The following GRIK2 variants were observed in gnomAD, a reference collection of about 807,000 sequenced individuals.
GRIK2 encodes glutamate receptor ionotropic, kainate 2.
GRIK2 carries 32 observed loss-of-function variants against 100.3 expected under a neutral mutation model. The observed-to-expected ratio is 0.32, with a 90% confidence interval of 0.24 to 0.43. GRIK2 has a LOEUF of 0.43. Ranked by LOEUF, GRIK2 falls within the 20% of genes least tolerant of loss-of-function variation. The probability of loss-of-function intolerance (pLI) is 1.00; values close to 1 mark genes in which losing one functional copy is unlikely to be tolerated. For missense variants in GRIK2, 843 were observed against 1,114.9 expected, an observed-to-expected ratio of 0.76 and a Z score of 3.47; for synonymous variants, 417 against 389.4, an observed-to-expected ratio of 1.07 and a Z score of -0.83.
rs538729919 is a variant in GRIK2 at position 101,911,735 on chromosome 6, A to G, written c.1749-12866A>G. Among the ~76,000 whole-genome samples, 5 of 151,644 alleles carry G rather than the reference A, an allele frequency of 3.3e-5. 1 individual carries two copies. The highest frequency in any genetic ancestry group is 1.2e-4 in the African/African-American group (5 of 41,492). On this transcript the variant is annotated intron_variant, in intron 12 of 16. Coordinates refer to ENST00000369134, the MANE Select transcript of GRIK2 (RefSeq NM_021956.5). ...GTTTTCTACGTAAAACAACATTCAA[A>G]GAGTAAAAATAACTTGAGAACATTT... is the stretch of plus-strand genomic sequence containing the variant.
intron 12 of GRIK2, among the ~76,000 whole-genome samples, chr6:101,899,137 T>C (rs1375808846): frequency 1.3e-5 from 2 of 150,710 alleles, no homozygotes; most frequent in East Asian, 1.9e-4. Context: ...ATCGTGGCTG[T>C]CCTAAATAGT....
In GRIK2 at chr6:101,646,881, A is replaced by G. The variant is rs186377755; in HGVS notation, c.541+20244A>G. Among the ~76,000 whole-genome samples the G allele has an allele frequency of 5.3e-5, 8 of 152,066 alleles. No individual in the cohort carries two copies. In the East Asian group the frequency reaches 7.8e-4, roughly 15 times the overall value. On this transcript the variant is annotated intron_variant, in intron 4 of 16. Transcript: ENST00000369134. ...TTGGAGAGGAAATTACCTCATTACT[A>G]TGAGCACAGAGAAGAGAGACAAGAA...
chr6:101,554,696 A>C (rs1403397418), intron 2 of GRIK2, among the ~76,000 whole-genome samples: 2 of 152,076 alleles, frequency 1.3e-5, no homozygotes, highest in Non-Finnish European at 2.9e-5. Flanking sequence ...GTAGGCTTTT[A>C]GGGGTAAGGT....
At chr6:101,970,461 G>C (rs1792973747) in intron 14 of GRIK2, among the ~76,000 whole-genome samples, 1 of 152,022 alleles carries the variant, frequency 6.6e-6, no homozygotes, top group African/African-American at 2.4e-5. Context: ...TAAAGTAGCA[G>C]CTCAGAGGCA....
intron 2 of GRIK2, among the ~76,000 whole-genome samples, chr6:101,437,156 C>T (rs1005614833): frequency 6.6e-6 from 1 of 151,966 alleles, no homozygotes; most frequent in African/African-American, 2.4e-5. Flanking sequence ...GATATTCTAT[C>T]ACTTGATGCA....
At chr6:101,434,987 G>A (rs924056340) in intron 2 of GRIK2, among the ~76,000 whole-genome samples, 2 of 152,066 alleles carry the variant, frequency 1.3e-5, no homozygotes, top group African/African-American at 4.8e-5. Context: ...AGAGATTTAG[G>A]TTGCACAAAC....
At position 102,038,002 on chromosome 6, in the gene GRIK2, C is replaced by G. The variant is rs968071233; in HGVS notation, c.2311+2436C>G. On this transcript the variant is annotated intron_variant, in intron 15 of 16. Transcript: ENST00000369134. ...ATATCATCATGCAGTATTCTGCACA[C>G]TGATATTCTGAACTTATTCTTGTCA... Among the ~76,000 whole-genome samples, 4 of 151,472 alleles carry G rather than the reference C, an allele frequency of 2.6e-5. No individual in the cohort carries two copies. The Admixed American group carries it at 2.6e-4, about 10-fold the overall frequency.
At chr6:101,706,609 T>C (rs1201193045) in intron 7 of GRIK2, among the ~76,000 whole-genome samples, 1 of 151,906 alleles carries the variant, frequency 6.6e-6, no homozygotes, top group African/African-American at 2.4e-5. Flanking sequence ...GAATAGACAG[T>C]TTTCAGACCG....
At chr6:101,415,482 T>C (rs1211665267) in intron 2 of GRIK2, among the ~76,000 whole-genome samples, 1 of 150,394 alleles carries the variant, frequency 6.6e-6, no homozygotes, top group Non-Finnish European at 1.5e-5. Context: ...GCCATTCTCC[T>C]GCCTCAGCCT....
intron 15 of GRIK2, among the ~76,000 whole-genome samples, chr6:102,047,812 T>G (rs2114479006): frequency 6.6e-6 from 1 of 152,032 alleles, no homozygotes; most frequent in Non-Finnish European, 1.5e-5. Context: ...TAATGTAAAC[T>G]CTCTTAAACT....
At chr6:101,524,331 A>C (rs1167292925) in intron 2 of GRIK2, among the ~76,000 whole-genome samples, 1 of 152,128 alleles carries the variant, frequency 6.6e-6, no homozygotes, top group Non-Finnish European at 1.5e-5. Context: ...TATTGTTACC[A>C]TAGCATATTC....
At chr6:101,440,140 G>A (rs755173450) in intron 2 of GRIK2, among the ~76,000 whole-genome samples, 8 of 151,974 alleles carry the variant, frequency 5.3e-5, no homozygotes, top group South Asian at 2.1e-4. Flanking sequence ...AAAAATGATG[G>A]GGTATCAAAG....
chr6:101,436,122 CTATT>C (rs1562136403), intron 2 of GRIK2, among the ~76,000 whole-genome samples: 2 of 152,200 alleles, frequency 1.3e-5, no homozygotes, highest in East Asian at 3.9e-4. Context: ...AACTTCCTAT[CTATT>C]CAGAGTACAG....
intron 2 of GRIK2, among the ~76,000 whole-genome samples, chr6:101,585,139 A>G (rs1778294486): frequency 6.6e-6 from 1 of 152,058 alleles, no homozygotes; most frequent in Non-Finnish European, 1.5e-5. Context: ...TATAATGTAA[A>G]GAATTGAGAT....
intron 7 of GRIK2, among the ~76,000 whole-genome samples, chr6:101,776,282 T>A (rs1778741172): frequency 6.6e-6 from 1 of 152,186 alleles, no homozygotes; most frequent in Non-Finnish European, 1.5e-5. Flanking sequence ...GAATAATTAC[T>A]TTTGATTACC....
chr6:101,440,480 G>C (rs1769984580), intron 2 of GRIK2, among the ~76,000 whole-genome samples: 3 of 152,126 alleles, frequency 2.0e-5, no homozygotes, highest in Non-Finnish European at 4.4e-5. Context: ...TTGTGCAGTT[G>C]ATCTGGTTAA....
intron 2 of GRIK2, among the ~76,000 whole-genome samples, chr6:101,548,881 CT>C (rs1180904908): frequency 2.0e-5 from 3 of 152,128 alleles, no homozygotes; most frequent in Non-Finnish European, 2.9e-5. Flanking sequence ...TCTCCTCATG[CT>C]TTTTTCTTAC....
rs1345273273 is a variant in GRIK2, at chr6:102,069,120, CCTTTTTT to C, written c.*615_*621del. On this transcript the variant is annotated 3_prime_UTR_variant, in exon 17 of 17. Transcript: ENST00000369134. ...AAAGCAGATGTTCATCACTTATTTTCCTTTTTTCTTTTCTTATTTTTTTTTTTGACAG... is the reference window on the plus strand; with the variant it reads ...AAAGCAGATGTTCATCACTTATTTTCCTTTTCTTATTTTTTTTTTTGACAG... 7.3e-5 allele frequency: 11 copies of C among 149,844 alleles called. No homozygotes were observed. In the East Asian group the frequency reaches 2.2e-3, roughly 30 times the overall value. 9.3% of individuals were successfully genotyped at this position (149,844 alleles called of 1,614,324 possible).
At chr6:101,764,292 C>T (rs1354022953) in intron 7 of GRIK2, among the ~76,000 whole-genome samples, 1 of 152,160 alleles carries the variant, frequency 6.6e-6, no homozygotes, top group Non-Finnish European at 1.5e-5. Context: ...GACGCCTCCA[C>T]TTGCAAGTTT....
Sources: gnomAD v4.1 joint callset for allele counts (sites outside exome capture counted in the v4.1 genomes callset) on GRCh38, gnomAD v4.1.1 for gene constraint, MANE v1.5 for transcripts, NCBI Gene and HGNC (gene_info 2026-07-23, HGNC 2026-07-21) for gene names.